The following TMEM131 variants were observed in gnomAD, a reference collection of about 807,000 sequenced individuals.
TMEM131 encodes transmembrane protein 131.
In TMEM131, 66 loss-of-function variants were observed where a neutral mutation model predicts 211.6. That is an observed-to-expected ratio of 0.31 (90% CI 0.26 to 0.38). The LOEUF (loss-of-function observed/expected upper bound fraction) is 0.38. TMEM131 is among the 10% of genes least tolerant of loss of function. The pLI, the probability that TMEM131 is intolerant of heterozygous loss-of-function variation, is 1.00. For synonymous variants in TMEM131, 844 were observed against 841.3 expected (o/e 1.00, Z -0.06); for missense variants, 2,036 against 2,299.3 (o/e 0.89, Z 2.34).
At chr2:97,838,426 C>CTTTTTT (rs753635047) in intron 7 of TMEM131, among the ~76,000 whole-genome samples, 2 of 89,094 alleles carry the variant, frequency 2.2e-5, no homozygotes, top group African/African-American at 4.3e-5. Flanking sequence ...TAAGCTTAAA[C>CTTTTTT]TTTTTTTTTT....
chr2:97,948,139 T>C (rs915222686), intron 1 of TMEM131, among the ~76,000 whole-genome samples: 1 of 151,838 alleles, frequency 6.6e-6, no homozygotes, highest in Non-Finnish European at 1.5e-5. Flanking sequence ...TATTCTTAAG[T>C]AGGATACAAA....
At chr2:97,955,257 T>C (rs1305240803) in intron 1 of TMEM131, among the ~76,000 whole-genome samples, 7 of 152,162 alleles carry the variant, frequency 4.6e-5, no homozygotes, top group Admixed American at 2.0e-4. Context: ...AAAAAATCAT[T>C]TGACAAAATC....
chr2:97,836,504 A>G (rs1298071845), intron 8 of TMEM131, among the ~76,000 whole-genome samples: 4 of 152,212 alleles, frequency 2.6e-5, no homozygotes, highest in East Asian at 3.8e-4. Context: ...AATCTTTATA[A>G]ATAAGGTTCT....
At chr2:97,901,799 A>T (rs565951562) in intron 3 of TMEM131, among the ~76,000 whole-genome samples, 46 of 152,256 alleles carry the variant, frequency 3.0e-4, no homozygotes, top group Middle Eastern at 3.4e-3. Flanking sequence ...TTTTGGTGTG[A>T]GAGGGAGGAT....
chr2:97,978,135 T>A (rs1679626010), intron 1 of TMEM131, among the ~76,000 whole-genome samples: 1 of 152,062 alleles, frequency 6.6e-6, no homozygotes, highest in Non-Finnish European at 1.5e-5. Context: ...AGCAATGAAG[T>A]TTGCTGCCAT....
intron 23 of TMEM131, 21 bp from the exon 24 acceptor site, chr2:97,802,558 A>G (rs149680190): frequency 6.2e-7 from 1 of 1,601,578 alleles, no homozygotes; most frequent in East Asian, 2.2e-5. Context: ...ATAATGAAAC[A>G]TTAAATGAAA....
intron 31 of TMEM131, among the ~76,000 whole-genome samples, chr2:97,786,778 CG>C (rs1209508068): frequency 1.3e-5 from 2 of 152,126 alleles, no homozygotes; most frequent in Non-Finnish European, 2.9e-5. Flanking sequence ...CTGGGTTTGA[CG>C]GGGGGCCGAC....
intron 2 of TMEM131, among the ~76,000 whole-genome samples, chr2:97,926,072 A>T (rs1177216340): frequency 6.6e-6 from 1 of 151,370 alleles, no homozygotes; most frequent in Admixed American, 6.6e-5. Flanking sequence ...AGATCGCGCC[A>T]CTGCACTCCA....
intron 4 of TMEM131, among the ~76,000 whole-genome samples, chr2:97,886,863 G>A (rs750520526): frequency 2.6e-5 from 4 of 152,248 alleles, no homozygotes; most frequent in Non-Finnish European, 5.9e-5. Flanking sequence ...ATGTCACAGA[G>A]TTAAAACTTT....
chr2:97,866,882 T>C (rs1573480576), intron 4 of TMEM131, among the ~76,000 whole-genome samples: 1 of 152,222 alleles, frequency 6.6e-6, no homozygotes, highest in East Asian at 1.9e-4. Context: ...ATGAGTGTTT[T>C]GAATTTCAGA....
At chr2:97,994,771 C>G (rs1020767878) in intron 1 of TMEM131, among the ~76,000 whole-genome samples, 1 of 152,276 alleles carries the variant, frequency 6.6e-6, no homozygotes, top group Admixed American at 6.5e-5. Context: ...CAGTACAATA[C>G]TAATGAGATT....
At chr2:97,940,945 A>T (rs1359433164) in intron 1 of TMEM131, among the ~76,000 whole-genome samples, 1 of 152,150 alleles carries the variant, frequency 6.6e-6, no homozygotes, top group East Asian at 1.9e-4. Context: ...GCTACCAATG[A>T]CTTTCTTCAC....
At chr2:97,760,998 CT>C in intron 36 of TMEM131, 84 bp from the exon 37 acceptor site, 1 of 1,559,616 alleles carries the variant, frequency 6.4e-7, no homozygotes, top group Non-Finnish European at 8.7e-7. Context: ...GGACTGAGCC[CT>C]GAGTGGGCTT....
At chr2:97,825,388 T>C (rs924565775) in intron 11 of TMEM131, among the ~76,000 whole-genome samples, 2 of 152,196 alleles carry the variant, frequency 1.3e-5, no homozygotes, top group Non-Finnish European at 2.9e-5. Context: ...GAGGGACCAG[T>C]GCCCTCAGCA....
chr2:97,958,780 C>T (rs1447158223), intron 1 of TMEM131, among the ~76,000 whole-genome samples: 1 of 152,212 alleles, frequency 6.6e-6, no homozygotes, highest in African/African-American at 2.4e-5. Context: ...CAAGACAGTA[C>T]TTGAACTTGG....
chr2:97,932,512 A>G (rs1370587877), intron 1 of TMEM131, among the ~76,000 whole-genome samples: 1 of 152,208 alleles, frequency 6.6e-6, no homozygotes, highest in Non-Finnish European at 1.5e-5. Flanking sequence ...ATATAATCCT[A>G]TGTAATTCAG....
chr2:97,977,507 A>G (rs1679593934), intron 1 of TMEM131, among the ~76,000 whole-genome samples: 1 of 152,216 alleles, frequency 6.6e-6, no homozygotes, highest in South Asian at 2.1e-4. Flanking sequence ...AGACCACCAC[A>G]ATAAAACCTA....
chr2:97,931,462 A>C (rs1677215550), intron 1 of TMEM131, among the ~76,000 whole-genome samples: 1 of 152,220 alleles, frequency 6.6e-6, no homozygotes, highest in South Asian at 2.1e-4. Context: ...TTGTCTACTA[A>C]GTTTTTGTTT....
chr2:97,891,341 T>C (rs1675366362), intron 3 of TMEM131, among the ~76,000 whole-genome samples: 2 of 152,274 alleles, frequency 1.3e-5, no homozygotes, highest in South Asian at 4.1e-4. Context: ...TAGAGCCTCC[T>C]GAGTAGCTGG....
Sources: gnomAD v4.1 joint callset for allele counts (sites outside exome capture counted in the v4.1 genomes callset) on GRCh38, gnomAD v4.1.1 for gene constraint, MANE v1.5 for transcripts, NCBI Gene and HGNC (gene_info 2026-07-23, HGNC 2026-07-21) for gene names.